The following FMN2 variants were observed in gnomAD, a reference collection of about 807,000 sequenced individuals.
FMN2 encodes formin-2.
A neutral mutation model predicts 142.3 loss-of-function variants in FMN2; 51 were observed. That is an observed-to-expected ratio of 0.36 (90% confidence interval 0.29 to 0.45). FMN2 has a LOEUF of 0.45. FMN2 is among the 20% of genes least tolerant of loss of function. FMN2 has a pLI of 1.00. For missense variants in FMN2, 1,936 were observed against 2,122.8 expected, an observed-to-expected ratio of 0.91 and a Z score of 1.73; for synonymous variants, 882 against 869.8, an observed-to-expected ratio of 1.01 and a Z score of -0.25.
intron 15 of FMN2, among the ~76,000 whole-genome samples, chr1:240,411,301 G>A (rs369704092): frequency 5.3e-5 from 8 of 151,896 alleles, no homozygotes; most frequent in Non-Finnish European, 1.2e-4. Context: ...GGCCGGGCGC[G>A]GTGTTTCACG....
chr1:240,455,673 G>C (rs772835260), intron 16 of FMN2, among the ~76,000 whole-genome samples: 1 of 151,982 alleles, frequency 6.6e-6, no homozygotes, highest in Non-Finnish European at 1.5e-5. Flanking sequence ...GCAAGACTCT[G>C]TCTCTAAAAA....
At chr1:240,365,222 GACAC>G (rs762085410) in intron 14 of FMN2, among the ~76,000 whole-genome samples, 1 of 60,888 alleles carries the variant, frequency 1.6e-5, no homozygotes, top group Non-Finnish European at 3.1e-5. Flanking sequence ...TATACACACA[GACAC>G]ACATATATAT....
chr1:240,111,015 C>T (rs2103194597), intron 1 of FMN2, among the ~76,000 whole-genome samples: 1 of 152,206 alleles, frequency 6.6e-6, no homozygotes, highest in East Asian at 1.9e-4. Flanking sequence ...TTAAGTTGAA[C>T]CAACATTTTT....
intron 6 of FMN2, among the ~76,000 whole-genome samples, chr1:240,251,498 A>G (rs1220247825): frequency 6.6e-6 from 1 of 152,048 alleles, no homozygotes; most frequent in East Asian, 1.9e-4. Context: ...CACATTATCT[A>G]CTCTGAAGAA....
intron 1 of FMN2, among the ~76,000 whole-genome samples, chr1:240,100,213 A>C (rs1024965359): frequency 6.6e-6 from 1 of 152,244 alleles, no homozygotes; most frequent in Admixed American, 6.5e-5. Context: ...TTGTTTCTGC[A>C]GGTTAATGTT....
intron 14 of FMN2, among the ~76,000 whole-genome samples, chr1:240,372,946 G>T (rs546106004): frequency 6.6e-6 from 1 of 152,272 alleles, no homozygotes; most frequent in African/African-American, 2.4e-5. Flanking sequence ...CAGCACTCTG[G>T]GAGGCTGAGG....
intron 15 of FMN2, among the ~76,000 whole-genome samples, chr1:240,407,140 C>T (rs1007004324): frequency 1.4e-5 from 2 of 142,140 alleles, no homozygotes; most frequent in Non-Finnish European, 3.1e-5. Context: ...AGCTACAATA[C>T]TTTTTTTTTT....
intron 2 of FMN2, chr1:240,154,727 A>C (rs1049163839): frequency 6.6e-6 from 1 of 152,202 alleles, no homozygotes; most frequent in Admixed American, 6.5e-5. Context: ...GATTCTGAAC[A>C]ATCAATTGAA....
chr1:240,210,994 C>A, intron 5 of FMN2, 97 bp from the exon 6 acceptor site: 1 of 1,117,318 alleles, frequency 9.0e-7, no homozygotes, highest in Non-Finnish European at 1.3e-6. Context: ...TTCCCTCCTG[C>A]TGGCCTTCCT....
At chr1:240,246,816 A>G (rs1668097905) in intron 6 of FMN2, among the ~76,000 whole-genome samples, 1 of 152,220 alleles carries the variant, frequency 6.6e-6, no homozygotes, top group East Asian at 1.9e-4. Context: ...ACATTAAAGC[A>G]GATTCAAGAT....
chr1:240,355,950 G>GTAAAAAAAA (rs1558449489), intron 14 of FMN2, 42 bp downstream of exon 14: 2 of 85,580 alleles, frequency 2.3e-5, no homozygotes, highest in African/African-American at 3.6e-4. Context: ...TCCCCTTTCA[G>GTAAAAAAAA]CAAAAAAAAA....
chr1:240,091,944 A>G lies in FMN2; in HGVS notation c.-166A>G. On this transcript the variant is annotated 5_prime_UTR_variant, in exon 1 of 18. Transcript: ENST00000319653. ...GCCGCGCATTATGCAAAGCGGCGGC[A>G]GATGCGAGCGGGGCCAGCCGGGCGC... The G allele has an allele frequency of 8.6e-7, 1 of 1,168,592 alleles. No individual in the cohort carries two copies. The highest frequency in any genetic ancestry group is 1.1e-6 in the Non-Finnish European group (1 of 889,222). 72.4% of individuals were successfully genotyped at this position (1,168,592 alleles called of 1,614,324 possible). A position where few individuals can be genotyped will look rare whatever the true frequency, so the allele number is the denominator to read the frequency against.
chr1:240,297,764 G>C (rs1204607896), intron 8 of FMN2, among the ~76,000 whole-genome samples: 1 of 152,046 alleles, frequency 6.6e-6, no homozygotes, highest in East Asian at 1.9e-4. Context: ...GTCTGTTTGG[G>C]CTGCTATAAT....
intron 2 of FMN2, 32 bp downstream of exon 2, chr1:240,123,377 G>A (rs894955719): frequency 1.9e-6 from 3 of 1,596,554 alleles, no homozygotes; most frequent in Admixed American, 3.4e-5. Context: ...TGTCCGTGAG[G>A]CAGATTTGCT....
chr1:240,219,981 A>G (rs765212392), intron 6 of FMN2, among the ~76,000 whole-genome samples: 1 of 152,080 alleles, frequency 6.6e-6, no homozygotes, highest in Non-Finnish European at 1.5e-5. Flanking sequence ...GATGTTTAGT[A>G]TTTCACCTTT....
chr1:240,256,023 G>A (rs905620631), intron 6 of FMN2, among the ~76,000 whole-genome samples: 1 of 152,174 alleles, frequency 6.6e-6, no homozygotes, highest in Non-Finnish European at 1.5e-5. Context: ...TACTACAAGG[G>A]TGTGATCAAC....
At chr1:240,170,481 T>C in intron 2 of FMN2, 1 of 1,456,844 alleles carries the variant, frequency 6.9e-7, no homozygotes, top group South Asian at 1.1e-5. Flanking sequence ...AAATTTTGTC[T>C]AAATCCTAAA....
intron 5 of FMN2, among the ~76,000 whole-genome samples, chr1:240,209,875 G>A (rs2103399621): frequency 6.6e-6 from 1 of 152,042 alleles, no homozygotes; most frequent in South Asian, 2.1e-4. Context: ...CTGCACTCCA[G>A]CCTGGGCGAC....
At chr1:240,259,905 C>T (rs1211720843) in intron 7 of FMN2, among the ~76,000 whole-genome samples, 1 of 152,122 alleles carries the variant, frequency 6.6e-6, no homozygotes, top group East Asian at 1.9e-4. Context: ...CACCCCCTCC[C>T]ACCCTTCCAC....
Sources: allele counts gnomAD v4.1 joint callset (sites outside exome capture counted in the v4.1 genomes callset), GRCh38; gene constraint gnomAD v4.1.1; transcripts MANE v1.5; gene names NCBI Gene and HGNC (gene_info 2026-07-23, HGNC 2026-07-21).